Variants in ZFAND3 observed in about 807,000 individuals in gnomAD.
ZFAND3 encodes the protein zinc finger AN1-type containing 3.
A neutral mutation model predicts 29.6 loss-of-function variants in ZFAND3; 10 were observed. The ratio of observed to expected loss-of-function variants is 0.34; its 90% CI spans 0.21 to 0.57. The LOEUF (loss-of-function observed/expected upper bound fraction) is 0.57. Ranked by LOEUF, ZFAND3 falls within the 20% of genes least tolerant of loss-of-function variation. The pLI, the probability that ZFAND3 is intolerant of heterozygous loss-of-function variation, is 0.86. For missense variants in ZFAND3, 230 were observed against 304.5 expected (o/e 0.76, Z 1.82); for synonymous variants, 128 against 112.6 (o/e 1.14, Z -0.87).
At chr6:38,090,045 G>GT (rs1240759998) in intron 4 of ZFAND3, among the ~76,000 whole-genome samples, 1 of 152,274 alleles carries the variant, frequency 6.6e-6, no homozygotes, top group East Asian at 1.9e-4. Context: ...TAGTGACGGG[G>GT]TTTCACCATG....
Position 37,942,038 on chromosome 6 carries a change from G to A in ZFAND3, c.112+12039G>A, listed in dbSNP as rs920212591. Among the ~76,000 whole-genome samples, 3 of 152,062 alleles carry A rather than the reference G, an allele frequency of 2.0e-5. 1 individual carries two copies. Among genetic ancestry groups the A allele is most frequent in the African/African-American group, 7.2e-5 (3 of 41,408 alleles). On this transcript the variant is annotated intron_variant, in intron 2 of 5. Transcript: ENST00000287218. ...CCTGAGCTGTTAATTTGTACATTTCGATGCCGTTTGTTTCATCCTGTGTTT... is the reference window on the plus strand; with the variant it reads ...CCTGAGCTGTTAATTTGTACATTTCAATGCCGTTTGTTTCATCCTGTGTTT...
At chr6:38,081,325 T>C (rs988911324) in intron 3 of ZFAND3, among the ~76,000 whole-genome samples, 1 of 152,162 alleles carries the variant, frequency 6.6e-6, no homozygotes, top group Non-Finnish European at 1.5e-5. Context: ...GTTGCTGTTA[T>C]GGCCTTGTTA....
chr6:37,907,581 A>G (rs1392839372), intron 1 of ZFAND3, among the ~76,000 whole-genome samples: 1 of 152,184 alleles, frequency 6.6e-6, no homozygotes, highest in Non-Finnish European at 1.5e-5. Context: ...ATTACTGAGT[A>G]GTATTTCATT....
chr6:37,864,420 A>G (rs1764546767), intron 1 of ZFAND3, among the ~76,000 whole-genome samples: 1 of 152,268 alleles, frequency 6.6e-6, no homozygotes, highest in South Asian at 2.1e-4. Context: ...ATTTCCCTTT[A>G]TCTGTTCTTA....
chr6:38,035,896 C>T (rs1009740128), intron 2 of ZFAND3, among the ~76,000 whole-genome samples: 1 of 152,180 alleles, frequency 6.6e-6, no homozygotes, highest in Non-Finnish European at 1.5e-5. Flanking sequence ...TAAGGGCACA[C>T]AGCAAATGGA....
At chr6:37,973,286 A>T (rs1762422846) in intron 2 of ZFAND3, among the ~76,000 whole-genome samples, 1 of 152,238 alleles carries the variant, frequency 6.6e-6, no homozygotes, top group African/African-American at 2.4e-5. Context: ...CTAGGTTGAT[A>T]GTATTTGAAG....
chr6:38,078,619 A>T (rs1331630168), intron 3 of ZFAND3, among the ~76,000 whole-genome samples: 1 of 152,234 alleles, frequency 6.6e-6, no homozygotes, highest in Non-Finnish European at 1.5e-5. Flanking sequence ...TTTAGACATT[A>T]ATAAACCCAA....
chr6:38,067,138 A>G (rs1419541126), intron 3 of ZFAND3, among the ~76,000 whole-genome samples: 2 of 152,196 alleles, frequency 1.3e-5, no homozygotes, highest in Non-Finnish European at 2.9e-5. Context: ...CATTATACAC[A>G]GGGGATTCGG....
At chr6:37,915,316 T>C (rs1305709925) in intron 1 of ZFAND3, among the ~76,000 whole-genome samples, 3 of 152,242 alleles carry the variant, frequency 2.0e-5, no homozygotes, top group Non-Finnish European at 4.4e-5. Flanking sequence ...CATATTCGTA[T>C]GTTCACTGGA....
intron 2 of ZFAND3, among the ~76,000 whole-genome samples, chr6:38,025,741 TC>T (rs1308103258): frequency 6.6e-6 from 1 of 152,228 alleles, no homozygotes; most frequent in Non-Finnish European, 1.5e-5. Flanking sequence ...TTGAAAACTT[TC>T]ATGCTGTGTA....
chr6:38,049,868 G>A (rs1243576919), intron 2 of ZFAND3, among the ~76,000 whole-genome samples: 36 of 134,356 alleles, frequency 2.7e-4, no homozygotes, highest in Non-Finnish European at 3.4e-4. Context: ...GACTCTCCTC[G>A]CTCCCCCACC....
intron 1 of ZFAND3, chr6:37,915,812 C>G (rs1470309303): frequency 2.0e-5 from 3 of 152,156 alleles, no homozygotes; most frequent in African/African-American, 7.2e-5. Flanking sequence ...TCTTGTTGCC[C>G]AAGCTGGAGT....
chr6:38,049,564 T>C (rs1253679382), intron 2 of ZFAND3, among the ~76,000 whole-genome samples: 1 of 152,148 alleles, frequency 6.6e-6, no homozygotes, highest in Non-Finnish European at 1.5e-5. Context: ...TTCTCACTAG[T>C]GGAGAAAGCT....
intron 2 of ZFAND3, among the ~76,000 whole-genome samples, chr6:38,020,820 C>T (rs571836365): frequency 3.9e-5 from 6 of 152,262 alleles, no homozygotes; most frequent in African/African-American, 1.4e-4. Context: ...CACTACTTTC[C>T]ACCTCTCGTA....
chr6:38,014,390 G>A (rs539252032), intron 2 of ZFAND3, among the ~76,000 whole-genome samples: 2 of 151,718 alleles, frequency 1.3e-5, no homozygotes, highest in African/African-American at 2.4e-5. Context: ...GCCGTGGCGC[G>A]ATCTTGGCTC....
At chr6:37,930,032 T>C in intron 2 of ZFAND3, 33 bp downstream of exon 2, 1 of 1,552,920 alleles carries the variant, frequency 6.4e-7, no homozygotes, top group South Asian at 1.2e-5. Context: ...TTAATTTACT[T>C]TCATTTTTCT....
intron 2 of ZFAND3, among the ~76,000 whole-genome samples, chr6:37,968,917 A>G (rs556207486): frequency 6.6e-6 from 1 of 152,202 alleles, no homozygotes; most frequent in Non-Finnish European, 1.5e-5. Context: ...TTAAAGATAT[A>G]TTTCAGTGCA....
In ZFAND3 at chr6:38,152,780, A is replaced by C; in HGVS notation, c.*391A>C. The C allele has an allele frequency of 1.0e-6, 1 of 992,248 alleles. No homozygotes were observed. The allele number at this position is 992,248 out of a possible 1,614,324, so 61.5% of individuals were successfully genotyped here. The stretch of plus-strand genomic sequence containing the variant: ...GCTGGTGTTAAAGTTCCCACGACGC[A>C]CATGGCTTTGCCAGAAACTCTGTTT... On this transcript the variant is annotated 3_prime_UTR_variant, in exon 6 of 6. Transcript: ENST00000287218.
At chr6:38,117,320 C>T (rs1562005663) in intron 5 of ZFAND3, among the ~76,000 whole-genome samples, 4 of 134,038 alleles carry the variant, frequency 3.0e-5, no homozygotes, top group African/African-American at 1.1e-4. Context: ...TCACAAAGTG[C>T]TGGGATTACA....
Sources: gnomAD v4.1 joint callset for allele counts (sites outside exome capture counted in the v4.1 genomes callset) on GRCh38, gnomAD v4.1.1 for gene constraint, MANE v1.5 for transcripts, NCBI Gene and HGNC (gene_info 2026-07-23, HGNC 2026-07-21) for gene names.